Variants in POLR3A observed in about 807,000 individuals in gnomAD.
The protein encoded by POLR3A is DNA-directed RNA polymerase III subunit RPC1.
A neutral mutation model predicts 152.8 loss-of-function variants in POLR3A; 112 were observed. The ratio of observed to expected loss-of-function variants is 0.73; its 90% CI spans 0.63 to 0.86. The LOEUF is 0.86. Among genes scored for constraint, POLR3A ranks in the 40% least tolerant of loss-of-function variants. The pLI is 0.00. For synonymous variants in POLR3A, 615 were observed against 652.1 expected (o/e 0.94, Z 0.87); for missense variants, 1,385 against 1,743.1 (o/e 0.79, Z 3.66).
chr10:77,991,545 T>C (rs1847248262), intron 20 of POLR3A, among the ~76,000 whole-genome samples: 1 of 152,218 alleles, frequency 6.6e-6, no homozygotes, highest in Non-Finnish European at 1.5e-5. Flanking sequence ...TTTTTTGAGA[T>C]GGAGTCTTGC....
chr10:77,982,159 A>T lies in POLR3A; in HGVS notation c.3754T>A (p.Tyr1252Asn), dbSNP rs1847152420. The change falls in exon 28 of 31, where the codon TAT becomes AAT. Residue 1252 changes from tyrosine (Y) to asparagine (N), a missense_variant. Tyr to Asn is a moderately radical substitution (Grantham distance 143, BLOSUM62 -2). Transcript: ENST00000372371. ...CCCCGTGGGCTGAGTGGTACCTCATAGGTGTTATTGGAGGTGGTTCGGGTG... is the reference window on the plus strand; with the variant it reads ...CCCCGTGGGCTGAGTGGTACCTCATTGGTGTTATTGGAGGTGGTTCGGGTG... ...KGTRTTSNNT[Y>N]EVEKTLGIEA... 6.2e-7 allele frequency: 1 copy of T among 1,612,708 alleles called. No homozygotes were observed.
rs1028931702 is a variant in POLR3A, at chr10:77,975,422, ACCAGCACCT to A, written c.*2047_*2055del. 6.6e-6 allele frequency: 1 copy of A among 152,208 alleles called. No individual in the cohort carries two copies. The highest frequency in any genetic ancestry group is 2.4e-5 in the African/African-American group (1 of 41,416). The allele number at this position is 152,208 out of a possible 1,614,324, so 9.4% of individuals were successfully genotyped here. A position where few individuals can be genotyped will look rare whatever the true frequency, so the allele number is the denominator to read the frequency against. ...CAAGGCTGGCAGTTCCAGGAGGAGG[ACCAGCACCT>A]CCAGGACGTATGACTTCCCCCCCTA... On this transcript the variant is annotated 3_prime_UTR_variant, in exon 31 of 31. Coordinates refer to ENST00000372371, the MANE Select transcript of POLR3A (RefSeq NM_007055.4).
chr10:77,984,246 G>A lies in POLR3A; in HGVS notation c.3295C>T (p.Arg1099Cys), dbSNP rs1325313723. The change falls in exon 25 of 31, where the codon CGC becomes TGC. Residue 1099 changes from arginine to cysteine, a missense_variant. By Grantham distance (180) the Arg-to-Cys change is radical. Around this residue, in one of 7 missense-constraint regions of POLR3A, gnomAD observed 332 missense variants for 400.1 expected, o/e 0.83. Coordinates refer to ENST00000372371, the MANE Select transcript of POLR3A (RefSeq NM_007055.4). ...LDKDDDADYA[R>C]LVKGRIEKTL... ...TTCTCAATTCTCCCTTTCACGAGGC[G>A]AGCATAATCCGCGTCGTCATCCTTG... 6 of 1,613,048 alleles carry A rather than the reference G, an allele frequency of 3.7e-6. No individual in the cohort carries two copies. The highest frequency in any genetic ancestry group is 1.3e-5 in the African/African-American group (1 of 74,890).
At chr10:77,980,672 A>T (rs1326830724) in intron 29 of POLR3A, among the ~76,000 whole-genome samples, 1 of 152,242 alleles carries the variant, frequency 6.6e-6, no homozygotes, top group East Asian at 1.9e-4. Context: ...TAATTTAAAA[A>T]GTATATTTAT....
intron 15 of POLR3A, 21 bp downstream of exon 15, chr10:78,007,678 AAAG>A (rs1719166615): frequency 1.2e-6 from 2 of 1,608,960 alleles, no homozygotes; most frequent in Non-Finnish European, 8.5e-7. Context: ...GCTTTAACTA[AAAG>A]AAGGATGCTG....
chr10:78,015,782 G>T (rs974142879), intron 10 of POLR3A, among the ~76,000 whole-genome samples: 1 of 152,128 alleles, frequency 6.6e-6, no homozygotes, highest in African/African-American at 2.4e-5. Context: ...TCCGCCTCCT[G>T]AGTAGCTGGG....
chr10:78,007,002 C>A (rs945173148), intron 15 of POLR3A, among the ~76,000 whole-genome samples: 15 of 151,888 alleles, frequency 9.9e-5, no homozygotes, highest in African/African-American at 3.4e-4. Flanking sequence ...CCCAGCTGCT[C>A]GAGAGGCTGC....
chr10:78,005,873 C>T (rs1231709879), intron 15 of POLR3A, among the ~76,000 whole-genome samples: 1 of 152,126 alleles, frequency 6.6e-6, no homozygotes, highest in African/African-American at 2.4e-5. Context: ...ACTGAGAGGT[C>T]CATCAACCAG....
At chr10:78,008,018 G>C in intron 14 of POLR3A, 152 bp from the exon 15 acceptor site, 1 of 414,328 alleles carries the variant, frequency 2.4e-6, no homozygotes, top group South Asian at 2.3e-5. Flanking sequence ...TTGGGGGGAG[G>C]GAGGGGGGGT....
At position 78,002,246 on chromosome 10, in the gene POLR3A, C is replaced by T. The variant is rs751974426; in HGVS notation, c.2310G>A (p.Glu770=). The T allele has an allele frequency of 5.6e-6, 9 of 1,604,026 alleles. No individual in the cohort carries two copies. The East Asian group carries it at 1.3e-4, about 24-fold the overall frequency. Residue 770 remains glutamate (E), a synonymous_variant, in exon 17 of 31, where the codon GAG becomes GAA. Transcript: ENST00000372371. ...TGAGGGGGCTGTTGCTCTTGTCCAG[C>T]TCCCGGAGGCAGGCACTGCCAGCGT... The part of the protein sequence containing the change: ...RDHAGSACLR[E]LDKSNSPLTM...
At chr10:77,984,392 T>C (rs1473666641) in intron 24 of POLR3A, 94 bp from the exon 25 acceptor site, 2 of 786,296 alleles carry the variant, frequency 2.5e-6, no homozygotes, top group Non-Finnish European at 4.6e-6. Context: ...TTTAGAATCA[T>C]AATGTTACTA....
At position 78,009,682 on chromosome 10, in the gene POLR3A, G is replaced by A. The variant is rs201314157; in HGVS notation, c.1771-7C>T. 328 of 1,614,138 alleles carry A rather than the reference G, an allele frequency of 2.0e-4. 1 individual carries two copies. The African/African-American group carries it at 3.6e-3, about 18-fold the overall frequency. ...CCGTCCACAGGGTGACAGGCTGAGGGGGGGAGGAAGCCTGAGAGTCAGTGG... is the reference window on the plus strand; with the variant it reads ...CCGTCCACAGGGTGACAGGCTGAGGAGGGGAGGAAGCCTGAGAGTCAGTGG... On this transcript the variant is annotated splice_polypyrimidine_tract_variant and splice_region_variant and intron_variant, in intron 13 of 30. Transcript: ENST00000372371.
chr10:77,987,656 C>CGGAA (rs1847210328), intron 21 of POLR3A, among the ~76,000 whole-genome samples: 1 of 152,226 alleles, frequency 6.6e-6, no homozygotes, highest in African/African-American at 2.4e-5. Context: ...CAGCTTAAGA[C>CGGAA]TTCCTAGCCC....
Position 78,029,440 on chromosome 10 carries a change from C to T in POLR3A, c.-33G>A. On this transcript the variant is annotated 5_prime_UTR_variant, in exon 1 of 31. Transcript: ENST00000372371. ...GCTGCCGGGACGCCTCCTTGGCACT[C>T]GGGAGGCCAGATTAGAGAAACGATG... is the stretch of plus-strand genomic sequence containing the variant. 6.2e-7 allele frequency: 1 copy of T among 1,612,470 alleles called. No individual in the cohort carries two copies. Among genetic ancestry groups the T allele is most frequent in the Non-Finnish European group, 8.5e-7 (1 of 1,178,804 alleles).
intron 19 of POLR3A, among the ~76,000 whole-genome samples, chr10:77,995,268 A>G (rs1847288730): frequency 6.6e-6 from 1 of 152,304 alleles, no homozygotes; most frequent in Admixed American, 6.5e-5. Flanking sequence ...AAGCAAAATA[A>G]CCAGCTAACA....
intron 25 of POLR3A, 46 bp from the exon 26 acceptor site, chr10:77,984,058 T>C: frequency 7.0e-7 from 1 of 1,428,618 alleles, no homozygotes; most frequent in Non-Finnish European, 9.9e-7. Flanking sequence ...CTTTCCCCTT[T>C]CCTAAGAGCA....
At chr10:77,996,649 C>CTG (rs1217045831) in intron 19 of POLR3A, among the ~76,000 whole-genome samples, 12 of 151,378 alleles carry the variant, frequency 7.9e-5, no homozygotes, top group African/African-American at 2.9e-4. Context: ...ATAACAGGAG[C>CTG]TGAAATTGAG....
intron 10 of POLR3A, among the ~76,000 whole-genome samples, chr10:78,015,912 A>G (rs1023214133): frequency 2.6e-5 from 4 of 152,202 alleles, no homozygotes; most frequent in Non-Finnish European, 5.9e-5. Context: ...CATTCTCACA[A>G]TCATAATCCC....
intron 11 of POLR3A, among the ~76,000 whole-genome samples, chr10:78,011,760 G>A (rs1394717457): frequency 6.6e-6 from 1 of 152,182 alleles, no homozygotes; most frequent in Non-Finnish European, 1.5e-5. Flanking sequence ...CCAAATTAGA[G>A]CCCTATGCAC....
Sources: allele counts gnomAD v4.1 joint callset (sites outside exome capture counted in the v4.1 genomes callset), GRCh38; gene constraint gnomAD v4.1.1; regional missense constraint gnomAD v4.1.1; transcripts MANE v1.5; gene names NCBI Gene and HGNC (gene_info 2026-07-23, HGNC 2026-07-21).